The following CSMD1 variants were observed in gnomAD, a reference collection of about 807,000 sequenced individuals.
CSMD1 encodes the protein CUB and sushi domain-containing protein 1.
CSMD1 carries 213 observed loss-of-function variants against 417.5 expected under a neutral mutation model. The observed-to-expected ratio is 0.51, with a 90% confidence interval of 0.46 to 0.57. The LOEUF (loss-of-function observed/expected upper bound fraction) is 0.57, where lower values mean the gene tolerates loss of function less well. CSMD1 is among the 20% of genes least tolerant of loss of function. The pLI is 0.00. For synonymous variants in CSMD1, 2,862 were observed against 1,736.8 expected, an observed-to-expected ratio of 1.65 and a Z score of -16.11; for missense variants, 6,923 against 4,529.7, an observed-to-expected ratio of 1.53 and a Z score of -15.17.
At chr8:4,459,977 C>T (rs1314815103) in intron 2 of CSMD1, among the ~76,000 whole-genome samples, 1 of 152,086 alleles carries the variant, frequency 6.6e-6, no homozygotes, top group Admixed American at 6.5e-5. Flanking sequence ...GCCAAAATGA[C>T]CATCAGACTA....
chr8:3,178,849 T>G (rs1353998450), intron 37 of CSMD1, among the ~76,000 whole-genome samples: 1 of 152,062 alleles, frequency 6.6e-6, no homozygotes, highest in African/African-American at 2.4e-5. Context: ...ATTTAAGATA[T>G]CAGAAAATCT....
chr8:4,759,428 G>C (rs576764085), intron 1 of CSMD1, among the ~76,000 whole-genome samples: 1 of 152,196 alleles, frequency 6.6e-6, no homozygotes, highest in Non-Finnish European at 1.5e-5. Flanking sequence ...TTAAGTTCAA[G>C]GGTACATGTG....
chr8:4,290,394 T>C (rs1170607257), intron 3 of CSMD1, among the ~76,000 whole-genome samples: 1 of 152,188 alleles, frequency 6.6e-6, no homozygotes, highest in Non-Finnish European at 1.5e-5. Flanking sequence ...TAGGAAGTGG[T>C]AAACACAGAT....
rs1807332671 is a variant in CSMD1, at chr8:3,337,345, T to C, written c.3631+5949A>G. ...TTTGTATCTATTCAGCAAATATTTATGAAGCATCCCTTAGAAGCAAGCCAG... is the reference window on the plus strand; with the variant it reads ...TTTGTATCTATTCAGCAAATATTTACGAAGCATCCCTTAGAAGCAAGCCAG... On this transcript the variant is annotated intron_variant, in intron 23 of 69. Coordinates refer to ENST00000635120, the MANE Select transcript of CSMD1 (RefSeq NM_033225.6). 2.0e-5 allele frequency among the ~76,000 whole-genome samples: 3 copies of C among 152,256 alleles called. No homozygotes were observed. The South Asian group carries it at 6.2e-4, about 31-fold the overall frequency.
chr8:3,773,656 C>G (rs1049802737), intron 5 of CSMD1, among the ~76,000 whole-genome samples: 1 of 152,046 alleles, frequency 6.6e-6, no homozygotes, highest in Non-Finnish European at 1.5e-5. Flanking sequence ...TCAATTTTGG[C>G]CTTATTCTCT....
chr8:3,631,168 C>T (rs1052287566), intron 7 of CSMD1, among the ~76,000 whole-genome samples: 3 of 152,158 alleles, frequency 2.0e-5, no homozygotes, highest in Non-Finnish European at 2.9e-5. Context: ...CTGGCTAAAC[C>T]GGCAGGACTC....
chr8:3,101,435 T>G (rs1585350582), intron 46 of CSMD1, among the ~76,000 whole-genome samples: 1 of 152,240 alleles, frequency 6.6e-6, no homozygotes, highest in African/African-American at 2.4e-5. Context: ...TGACTACTTT[T>G]TTTTTGAGAC....
chr8:3,338,089 A>C (rs376990004), intron 23 of CSMD1, among the ~76,000 whole-genome samples: 99 of 152,366 alleles, frequency 6.5e-4, no homozygotes, highest in African/African-American at 2.3e-3. Context: ...AATTGTGTCC[A>C]AAAATAAATG....
intron 1 of CSMD1, among the ~76,000 whole-genome samples, chr8:4,780,401 T>C (rs149528478): frequency 6.6e-6 from 1 of 151,172 alleles, no homozygotes; most frequent in East Asian, 2.0e-4. Flanking sequence ...CAGTTCATTC[T>C]GATTGATCAG....
At chr8:3,657,294 G>C (rs556506361) in intron 7 of CSMD1, among the ~76,000 whole-genome samples, 1 of 152,192 alleles carries the variant, frequency 6.6e-6, no homozygotes, top group Admixed American at 6.5e-5. Flanking sequence ...AGAAAAACCA[G>C]TCCCATTTAC....
chr8:4,108,365 C>T (rs928718030), intron 3 of CSMD1, among the ~76,000 whole-genome samples: 4 of 152,180 alleles, frequency 2.6e-5, no homozygotes, highest in Admixed American at 6.5e-5. Context: ...GATCTCACCC[C>T]GGGTATCTGT....
At chr8:3,543,013 A>C (rs7011786) in intron 10 of CSMD1, among the ~76,000 whole-genome samples, 4 of 151,788 alleles carry the variant, frequency 2.6e-5, no homozygotes, top group African/African-American at 9.7e-5. Flanking sequence ...ATCCCACTTC[A>C]TGGCACCTGC....
intron 1 of CSMD1, among the ~76,000 whole-genome samples, chr8:4,922,424 G>A (rs1319272192): frequency 6.6e-6 from 1 of 151,994 alleles, no homozygotes; most frequent in Non-Finnish European, 1.5e-5. Flanking sequence ...AGAAATTAAA[G>A]GTCAAATGAT....
At chr8:4,258,540 G>GGA (rs1803644622) in intron 3 of CSMD1, among the ~76,000 whole-genome samples, 5 of 91,496 alleles carry the variant, frequency 5.5e-5, no homozygotes, top group African/African-American at 8.1e-5. Flanking sequence ...GGAGGGAAGA[G>GGA]TGGAACAATG....
chr8:3,681,660 G>A (rs1316387555), intron 7 of CSMD1, among the ~76,000 whole-genome samples: 2 of 152,118 alleles, frequency 1.3e-5, no homozygotes, highest in Non-Finnish European at 2.9e-5. Context: ...AGCTACCAAT[G>A]ACTTTCTTCA....
At chr8:4,289,047 A>C (rs376366455) in intron 3 of CSMD1, among the ~76,000 whole-genome samples, 45 of 152,364 alleles carry the variant, frequency 3.0e-4, no homozygotes, top group African/African-American at 1.0e-3. Context: ...CATAATGAGC[A>C]TAAAAACAGT....
At chr8:4,976,425 G>A (rs1810564823) in intron 1 of CSMD1, among the ~76,000 whole-genome samples, 1 of 152,120 alleles carries the variant, frequency 6.6e-6, no homozygotes, top group African/African-American at 2.4e-5. Context: ...TATAAAGAAA[G>A]TTTGTTCTTA....
chr8:4,299,444 G>C (rs552569155), intron 3 of CSMD1, among the ~76,000 whole-genome samples: 20 of 152,204 alleles, frequency 1.3e-4, no homozygotes, highest in Non-Finnish European at 2.4e-4. Context: ...CTTTCAAAAA[G>C]CCACTAGTAA....
chr8:3,834,888 C>G (rs1802586896), intron 5 of CSMD1, among the ~76,000 whole-genome samples: 1 of 151,776 alleles, frequency 6.6e-6, no homozygotes. Flanking sequence ...ACAAACAACC[C>G]CATCAAAAAG....
Sources: allele counts gnomAD v4.1 joint callset (sites outside exome capture counted in the v4.1 genomes callset), GRCh38; gene constraint gnomAD v4.1.1; transcripts MANE v1.5; gene names NCBI Gene and HGNC (gene_info 2026-07-23, HGNC 2026-07-21).